MCC: variants seen among roughly 807,000 people sequenced by gnomAD.
MCC encodes the protein colorectal mutant cancer protein.
In MCC, 90 loss-of-function variants were observed where a neutral mutation model predicts 116.2. That is an observed-to-expected ratio of 0.77 (90% CI 0.65 to 0.92). The LOEUF is 0.92. Among genes scored for constraint, MCC ranks in the 40% least tolerant of loss-of-function variants. MCC has a pLI of 0.00. For missense variants in MCC, 1,516 were observed against 1,312.2 expected (o/e 1.16, Z -2.40); for synonymous variants, 578 against 510.5 (o/e 1.13, Z -1.78).
At chr5:113,268,599 G>A (rs1394237892) in intron 3 of MCC, among the ~76,000 whole-genome samples, 1 of 152,096 alleles carries the variant, frequency 6.6e-6, no homozygotes, top group Non-Finnish European at 1.5e-5. Context: ...CCATCCACTA[G>A]GCCTAGGATA....
intron 1 of MCC, among the ~76,000 whole-genome samples, chr5:113,470,858 T>C (rs1256542095): frequency 6.6e-6 from 1 of 152,208 alleles, no homozygotes; most frequent in Non-Finnish European, 1.5e-5. Context: ...GTCCCATATT[T>C]CTTGGAGACT....
At chr5:113,194,094 T>C (rs1040319373) in intron 3 of MCC, among the ~76,000 whole-genome samples, 3 of 152,120 alleles carry the variant, frequency 2.0e-5, no homozygotes, top group African/African-American at 7.2e-5. Flanking sequence ...AGAGGACTCC[T>C]ATAGATCTAA....
chr5:113,295,089 T>A (rs559568999), intron 3 of MCC: 174 of 281,510 alleles, frequency 6.2e-4, no homozygotes, highest in African/African-American at 3.8e-3. Flanking sequence ...ATCCTTCCAG[T>A]TCTCTGCAAT....
intron 11 of MCC, among the ~76,000 whole-genome samples, chr5:113,079,083 C>G (rs1241769134): frequency 2.0e-5 from 3 of 152,106 alleles, no homozygotes; most frequent in African/African-American, 7.2e-5. Flanking sequence ...AATAAAATAC[C>G]TAGGAATCCA....
chr5:113,133,471 CTT>C (rs200574416), intron 5 of MCC, among the ~76,000 whole-genome samples: 16 of 146,618 alleles, frequency 1.1e-4, no homozygotes, highest in South Asian at 4.3e-4. Context: ...GGATTTCATT[CTT>C]TTTTTTTTTA....
chr5:113,139,120 T>C (rs34682581), intron 5 of MCC, among the ~76,000 whole-genome samples: 12 of 152,300 alleles, frequency 7.9e-5, no homozygotes, highest in Non-Finnish European at 1.5e-4. Context: ...ATTACTATTG[T>C]GCCCTTGTTG....
chr5:113,282,750 A>C (rs1183279051), intron 3 of MCC, among the ~76,000 whole-genome samples: 1 of 152,116 alleles, frequency 6.6e-6, no homozygotes, highest in African/African-American at 2.4e-5. Flanking sequence ...ACTTCATCAA[A>C]AGTGCTCCCA....
At chr5:113,163,408 A>G (rs7733404) in intron 3 of MCC, among the ~76,000 whole-genome samples, 48,538 of 152,080 alleles carry the variant, frequency 0.32, 8,059 homozygotes, top group African/African-American at 0.41. Context: ...TATTTCCCAC[A>G]TGTATGACTC....
At chr5:113,086,800 T>A (rs900864154) in intron 8 of MCC, among the ~76,000 whole-genome samples, 9 of 152,184 alleles carry the variant, frequency 5.9e-5, no homozygotes, top group Non-Finnish European at 1.3e-4. Context: ...GAGTTAGCAC[T>A]AGGAAATTTA....
At chr5:113,295,077 G>A in intron 3 of MCC, 1 of 371,836 alleles carries the variant, frequency 2.7e-6, no homozygotes, top group Non-Finnish European at 3.7e-6. Context: ...AGCAGAGCAG[G>A]CATCCTTCCA....
chr5:113,218,391 G>A (rs1763407601), intron 3 of MCC, among the ~76,000 whole-genome samples: 1 of 152,142 alleles, frequency 6.6e-6, no homozygotes, highest in Non-Finnish European at 1.5e-5. Flanking sequence ...AGGGTAAAGG[G>A]CACCTGTGAT....
chr5:113,453,857 T>A (rs1269421308), intron 1 of MCC, among the ~76,000 whole-genome samples: 4 of 152,194 alleles, frequency 2.6e-5, no homozygotes, highest in Non-Finnish European at 4.4e-5. Flanking sequence ...ACGCCTGTAA[T>A]CCCTGCACTT....
chr5:113,108,393 G>A (rs1358462021), intron 6 of MCC, among the ~76,000 whole-genome samples: 2 of 143,598 alleles, frequency 1.4e-5, no homozygotes, highest in African/African-American at 5.2e-5. Flanking sequence ...GGTGGCTCAT[G>A]CCTATAATCC....
intron 2 of MCC, among the ~76,000 whole-genome samples, chr5:113,368,804 C>G (rs1407715405): frequency 3.3e-5 from 5 of 152,172 alleles, no homozygotes; most frequent in Admixed American, 3.3e-4. Context: ...TCAGCTCCCA[C>G]AGGCTGAGGG....
intron 2 of MCC, among the ~76,000 whole-genome samples, chr5:113,348,894 A>T (rs573558248): frequency 6.6e-6 from 1 of 152,222 alleles, no homozygotes; most frequent in East Asian, 1.9e-4. Flanking sequence ...ATACTGCAGA[A>T]ATTCAAAGGG....
chr5:113,150,295 G>C (rs1188351737), intron 4 of MCC, among the ~76,000 whole-genome samples: 1 of 152,026 alleles, frequency 6.6e-6, no homozygotes, highest in Non-Finnish European at 1.5e-5. Context: ...AAAGTTCAAG[G>C]AAATTATTTT....
intron 3 of MCC, among the ~76,000 whole-genome samples, chr5:113,314,562 C>T (rs1454348114): frequency 6.6e-6 from 1 of 152,148 alleles, no homozygotes; most frequent in African/African-American, 2.4e-5. Context: ...ACCCTGAACT[C>T]TCCACCTTTG....
chr5:113,259,217 A>C (rs1765131841), intron 3 of MCC, among the ~76,000 whole-genome samples: 1 of 152,234 alleles, frequency 6.6e-6, no homozygotes, highest in African/African-American at 2.4e-5. Flanking sequence ...AAGTGACTCC[A>C]TTAGAGAGGA....
chr5:113,294,921 C>A (rs893824697), intron 3 of MCC: 21 of 985,348 alleles, frequency 2.1e-5, no homozygotes, highest in Non-Finnish European at 2.3e-5. Flanking sequence ...GTTTCCCCTT[C>A]GAATCGTCTG....
Sources: allele counts gnomAD v4.1 joint callset (sites outside exome capture counted in the v4.1 genomes callset), GRCh38; gene constraint gnomAD v4.1.1; transcripts MANE v1.5; gene names NCBI Gene and HGNC (gene_info 2026-07-23, HGNC 2026-07-21).